Variants in ATP9B observed in about 807,000 individuals in gnomAD.
ATP9B encodes the protein probable phospholipid-transporting ATPase IIB.
A neutral mutation model predicts 146.1 loss-of-function variants in ATP9B; 110 were observed. That is an observed-to-expected ratio of 0.75 (90% CI 0.65 to 0.88). ATP9B has a LOEUF of 0.88. Ranked by LOEUF, ATP9B falls within the 40% of genes least tolerant of loss-of-function variation. The probability of loss-of-function intolerance (pLI) is 0.00; values close to 1 mark genes in which losing one functional copy is unlikely to be tolerated. For missense variants in ATP9B, 1,499 were observed against 1,496.4 expected (o/e 1.00, Z -0.03); for synonymous variants, 604 against 569.7 (o/e 1.06, Z -0.86).
intron 5 of ATP9B, among the ~76,000 whole-genome samples, chr18:79,131,483 A>G (rs1015681983): frequency 1.3e-5 from 2 of 152,238 alleles, no homozygotes; most frequent in Admixed American, 1.3e-4. Flanking sequence ...ACATCACCAT[A>G]CACCACTAGG....
chr18:79,251,150 G>A (rs2096018742), intron 11 of ATP9B, among the ~76,000 whole-genome samples: 1 of 152,206 alleles, frequency 6.6e-6, no homozygotes, highest in African/African-American at 2.4e-5. Context: ...GTCCTCAGGA[G>A]TCTTACACAG....
Position 79,347,810 on chromosome 18 carries a change from C to G in ATP9B, c.2723C>G (p.Thr908Arg). 5 of 1,609,198 alleles carry G rather than the reference C, an allele frequency of 3.1e-6. No individual in the cohort carries two copies. The highest frequency in any genetic ancestry group is 4.2e-6 in the Non-Finnish European group (5 of 1,176,780). ...QASLAADFSI[T>R]QFRHIGRLLM... ...TCGCTGGCGGCCGACTTCTCCATCA[C>G]GCAGTTCCGGCACATAGGCAGGCTG... Residue 908 changes from threonine (T) to arginine (R), a missense_variant, in exon 24 of 30, where the codon ACG becomes AGG. Physicochemically the swap from Thr to Arg is moderately conservative, Grantham distance 71. Coordinates refer to ENST00000426216, the MANE Select transcript of ATP9B (RefSeq NM_198531.5).
At chr18:79,216,410 T>C (rs567943327) in intron 11 of ATP9B, among the ~76,000 whole-genome samples, 1 of 152,316 alleles carries the variant, frequency 6.6e-6, no homozygotes, top group South Asian at 2.1e-4. Context: ...CTCCCCTCTC[T>C]GAAGTGGGCT....
chr18:79,224,419 G>A (rs975981543), intron 11 of ATP9B, among the ~76,000 whole-genome samples: 1 of 152,182 alleles, frequency 6.6e-6, no homozygotes, highest in Non-Finnish European at 1.5e-5. Context: ...AAGTGGGCAT[G>A]TGGATGGTGG....
chr18:79,094,909 A>G (rs2074662954), intron 1 of ATP9B, among the ~76,000 whole-genome samples: 1 of 152,154 alleles, frequency 6.6e-6, no homozygotes, highest in South Asian at 2.1e-4. Flanking sequence ...CGACATGTAC[A>G]CTCGGCCACT....
chr18:79,113,193 A>C (rs1479502616), intron 3 of ATP9B, 48 bp from the exon 4 acceptor site: 8 of 1,066,606 alleles, frequency 7.5e-6, no homozygotes, highest in Admixed American at 2.0e-5. Flanking sequence ...TAGGTATTAA[A>C]ATTTTTTCCT....
chr18:79,091,412 G>C (rs2074305429), intron 1 of ATP9B, among the ~76,000 whole-genome samples: 1 of 152,148 alleles, frequency 6.6e-6, no homozygotes. Context: ...TCCAATCCAT[G>C]TACATGGAAT....
intron 13 of ATP9B, among the ~76,000 whole-genome samples, chr18:79,301,455 G>A (rs2096589884): frequency 6.6e-6 from 1 of 152,220 alleles, no homozygotes; most frequent in African/African-American, 2.4e-5. Flanking sequence ...TAGTGCCACT[G>A]CACGACTCCG....
intron 1 of ATP9B, among the ~76,000 whole-genome samples, chr18:79,079,787 G>A (rs779737693): frequency 3.6e-4 from 55 of 152,176 alleles, no homozygotes; most frequent in African/African-American, 1.4e-4. Context: ...TAGGTCTTAC[G>A]TTTACGTCTT....
intron 11 of ATP9B, among the ~76,000 whole-genome samples, chr18:79,245,492 C>A (rs1310883278): frequency 6.6e-6 from 1 of 152,138 alleles, no homozygotes; most frequent in African/African-American, 2.4e-5. Flanking sequence ...ATGTTATCAA[C>A]TTAGTTTTTA....
chr18:79,284,023 C>G (rs915074453), intron 13 of ATP9B, among the ~76,000 whole-genome samples: 1 of 152,146 alleles, frequency 6.6e-6, no homozygotes, highest in Non-Finnish European at 1.5e-5. Flanking sequence ...TTTTTTAGGA[C>G]TCACATTTTA....
intron 7 of ATP9B, chr18:79,174,329 G>C (rs2095126869): frequency 5.6e-6 from 1 of 177,792 alleles, no homozygotes; most frequent in African/African-American, 2.4e-5. Flanking sequence ...GTCTCATTTG[G>C]ATGAAATCCT....
At position 79,366,766 on chromosome 18, in the gene ATP9B, C is replaced by T. The variant is rs549643582; in HGVS notation, c.3013-6059C>T. 1.9e-4 allele frequency among the ~76,000 whole-genome samples: 29 copies of T among 152,284 alleles called. 1 individual carries two copies. In the South Asian group the frequency reaches 5.4e-3, roughly 28 times the overall value. On this transcript the variant is annotated intron_variant, in intron 26 of 29. Coordinates refer to ENST00000426216, the MANE Select transcript of ATP9B (RefSeq NM_198531.5). ...CGAGACCCTGTGCCGTCCCCCACCACGCAGAGCCCTAGAGAAGGGGTTAAT... is the reference window on the plus strand; with the variant it reads ...CGAGACCCTGTGCCGTCCCCCACCATGCAGAGCCCTAGAGAAGGGGTTAAT...
chr18:79,364,893 G>A (rs965658298), intron 26 of ATP9B, among the ~76,000 whole-genome samples: 6 of 152,114 alleles, frequency 3.9e-5, no homozygotes, highest in Non-Finnish European at 7.4e-5. Flanking sequence ...GAGCATGGTG[G>A]TTGCTGTGTG....
Position 79,239,858 on chromosome 18 carries a change from C to T in ATP9B, c.1108-13523C>T, listed in dbSNP as rs748248391. Among the ~76,000 whole-genome samples the T allele has an allele frequency of 6.6e-6, 1 of 152,190 alleles. No homozygotes were observed. Among genetic ancestry groups the T allele is most frequent in the Non-Finnish European group, 1.5e-5 (1 of 68,036 alleles). On this transcript the variant is annotated intron_variant, in intron 11 of 29. Transcript: ENST00000426216. This position sits in a 1 kb window ranked among gnomAD's most constrained non-coding sequence, Gnocchi z 5.1. The stretch of plus-strand genomic sequence containing the variant: ...TTACTGAAGAGGCATCTGAATGTGG[C>T]TGGGAGAGCATGGTTCCTGAGGGCT...
intron 7 of ATP9B, among the ~76,000 whole-genome samples, chr18:79,171,573 A>T (rs975335487): frequency 6.6e-5 from 10 of 152,118 alleles, no homozygotes; most frequent in Non-Finnish European, 1.3e-4. Flanking sequence ...AGATTCCTTC[A>T]GTGGTTGACA....
chr18:79,171,688 C>T (rs575605992), intron 7 of ATP9B, among the ~76,000 whole-genome samples: 5 of 152,266 alleles, frequency 3.3e-5, no homozygotes, highest in South Asian at 4.1e-4. Context: ...TCACCACCAA[C>T]GCAGTCAAGG....
chr18:79,212,537 T>G (rs1293871964), intron 10 of ATP9B, among the ~76,000 whole-genome samples: 1 of 152,224 alleles, frequency 6.6e-6, no homozygotes, highest in Non-Finnish European at 1.5e-5. Context: ...GCAGTTTGCC[T>G]TCTTACATCA....
At chr18:79,088,534 G>C (rs1334585182) in intron 1 of ATP9B, among the ~76,000 whole-genome samples, 1 of 152,194 alleles carries the variant, frequency 6.6e-6, no homozygotes, top group Non-Finnish European at 1.5e-5. Context: ...CTGTGATGCT[G>C]TCGATAGTGG....
Sources: allele counts gnomAD v4.1 joint callset (sites outside exome capture counted in the v4.1 genomes callset), GRCh38; gene constraint gnomAD v4.1.1; non-coding constraint Gnocchi (gnomAD v3.1); transcripts MANE v1.5; gene names NCBI Gene and HGNC (gene_info 2026-07-23, HGNC 2026-07-21).